ACER2: variants seen among roughly 807,000 people sequenced by gnomAD.
ACER2 encodes alkaline ceramidase 2.
ACER2 carries 26 observed loss-of-function variants against 34.7 expected under a neutral mutation model. The ratio of observed to expected loss-of-function variants is 0.75; its 90% CI spans 0.55 to 1.04. The LOEUF (loss-of-function observed/expected upper bound fraction) is 1.04. ACER2 is among the 50% of genes least tolerant of loss of function. The pLI, the probability that ACER2 is intolerant of heterozygous loss-of-function variation, is 0.00. For synonymous variants in ACER2, 138 were observed against 132.1 expected, an observed-to-expected ratio of 1.04 and a Z score of -0.31; for missense variants, 352 against 340.8, an observed-to-expected ratio of 1.03 and a Z score of -0.26.
At chr9:19,444,439 C>G (rs1336087544) in intron 4 of ACER2, among the ~76,000 whole-genome samples, 2 of 151,944 alleles carry the variant, frequency 1.3e-5, no homozygotes, top group Non-Finnish European at 2.9e-5. Flanking sequence ...GTCTCGATCT[C>G]CTGACCTCTG....
intron 5 of ACER2, among the ~76,000 whole-genome samples, chr9:19,449,295 A>G (rs573886251): frequency 4.6e-5 from 7 of 152,230 alleles, no homozygotes; most frequent in South Asian, 2.1e-4. Context: ...CCCAGATTCC[A>G]TAACTATCAA....
intron 3 of ACER2, among the ~76,000 whole-genome samples, chr9:19,427,642 TTTCTCTTCTC>T (rs139788386): frequency 0.14 from 18,867 of 136,512 alleles, 1,480 homozygotes; most frequent in South Asian, 0.28. Flanking sequence ...CCTCCTTTCT[TTTCTCTTCTC>T]TTCTCTTCTC....
intron 3 of ACER2, among the ~76,000 whole-genome samples, chr9:19,433,104 C>T (rs1335966370): frequency 6.8e-6 from 1 of 147,348 alleles, no homozygotes; most frequent in Non-Finnish European, 1.5e-5. Context: ...TTTCCTAAGG[C>T]TAAGTTTCTC....
intron 4 of ACER2, among the ~76,000 whole-genome samples, chr9:19,442,377 G>A (rs1831183286): frequency 6.6e-6 from 1 of 152,174 alleles, no homozygotes; most frequent in Non-Finnish European, 1.5e-5. Context: ...CTGAGAAATG[G>A]GAGTGAAACC....
At chr9:19,439,344 C>CTTTTTTTTTTTTTTTTTTTTTTTTTTTTT (rs55690063) in intron 4 of ACER2, among the ~76,000 whole-genome samples, 2 of 138,758 alleles carry the variant, frequency 1.4e-5, no homozygotes, top group African/African-American at 2.7e-5. Context: ...AAGGGGCTTG[C>CTTTTTTTTTTTTTTTTTTTTTTTTTTTTT]TTTTTTTTTT....
chr9:19,418,643 A>G (rs1438657263), intron 1 of ACER2, among the ~76,000 whole-genome samples: 1 of 152,182 alleles, frequency 6.6e-6, no homozygotes, highest in Admixed American at 6.5e-5. Flanking sequence ...TGGGAGTGGA[A>G]CGAGAACACA....
At chr9:19,423,107 T>C (rs1830456864) in intron 1 of ACER2, among the ~76,000 whole-genome samples, 1 of 150,470 alleles carries the variant, frequency 6.6e-6, no homozygotes, top group Non-Finnish European at 1.5e-5. Flanking sequence ...TGGGAGGCTG[T>C]GGTGGGAGGA....
rs146152102 is a variant in ACER2, at chr9:19,448,257, A to C, written c.641+1839A>C. On this transcript the variant is annotated intron_variant, in intron 5 of 5. Coordinates refer to ENST00000340967, the MANE Select transcript of ACER2 (RefSeq NM_001010887.3). ...GAAACTCCTGGGCTCGAGCAGGTCC[A>C]CCTGCCTTGGGCTCCCAAAGTGCTG... 6.2e-3 allele frequency among the ~76,000 whole-genome samples: 941 copies of C among 152,224 alleles called. 11 individuals carry two copies. Among genetic ancestry groups the C allele is most frequent in the African/African-American group, 0.022 (905 of 41,548 alleles).
chr9:19,423,761 C>T (rs763959854), intron 1 of ACER2, 101 bp from the exon 2 acceptor site: 1 of 861,330 alleles, frequency 1.2e-6, no homozygotes, highest in Non-Finnish European at 2.0e-6. Context: ...TGTGTGACCA[C>T]ATTTATCCCA....
rs551546294 is a variant in ACER2 at position 19,450,776 on chromosome 9, C to T, written c.*140C>T. 34 of 749,980 alleles carry T rather than the reference C, an allele frequency of 4.5e-5. No individual in the cohort carries two copies. The highest frequency in any genetic ancestry group is 4.1e-4 in the East Asian group (15 of 36,302). 46.5% of individuals were successfully genotyped at this position (749,980 alleles called of 1,614,324 possible). ...ATCTATTTGCTGGGGCTCTTAATTTCTTTAGTGTTCTTTGTATGTAGGGAT... is the reference window on the plus strand; with the variant it reads ...ATCTATTTGCTGGGGCTCTTAATTTTTTTAGTGTTCTTTGTATGTAGGGAT... On this transcript the variant is annotated 3_prime_UTR_variant, in exon 6 of 6. Transcript: ENST00000340967.
At chr9:19,443,766 C>T (rs188712232) in intron 4 of ACER2, among the ~76,000 whole-genome samples, 2 of 152,252 alleles carry the variant, frequency 1.3e-5, no homozygotes, top group African/African-American at 4.8e-5. Context: ...AAGTGATTCT[C>T]CTGCCTCAGC....
At chr9:19,434,498 A>G (rs980926467) in intron 3 of ACER2, among the ~76,000 whole-genome samples, 3 of 152,254 alleles carry the variant, frequency 2.0e-5, no homozygotes, top group Non-Finnish European at 4.4e-5. Flanking sequence ...GCACTGAGTG[A>G]ACCAGACTCC....
intron 1 of ACER2, among the ~76,000 whole-genome samples, chr9:19,422,379 T>C (rs1381548791): frequency 2.0e-5 from 3 of 152,050 alleles, no homozygotes; most frequent in African/African-American, 7.2e-5. Flanking sequence ...TTTGAATACA[T>C]TGCATTAAAT....
rs1341433724 is a variant in ACER2 at position 19,435,072 on chromosome 9, C to T, written c.491C>T (p.Ala164Val). The T allele has an allele frequency of 6.2e-7, 1 of 1,614,136 alleles. No homozygotes were observed. The highest frequency in any genetic ancestry group is 1.1e-5 in the South Asian group (1 of 91,076). The change falls in exon 4 of 6, where the codon GCA (alanine) becomes GTA (valine). Residue 164 changes from alanine (A) to valine (V), a missense_variant. Ala to Val is a moderately conservative substitution (Grantham distance 64). Coordinates refer to ENST00000340967, the MANE Select transcript of ACER2 (RefSeq NM_001010887.3). ...GTTCCTTGCACTGCACTGCTCATCG[C>T]AGAGCTAAAGAGGTAGGTGCCATCA... ...LGVPCTALLIAELKRCDNMRV... is the reference protein window; with the variant it reads ...LGVPCTALLIVELKRCDNMRV...
intron 5 of ACER2, among the ~76,000 whole-genome samples, chr9:19,447,508 T>C: frequency 6.6e-6 from 1 of 152,218 alleles, no homozygotes; most frequent in East Asian, 1.9e-4. Context: ...ATTTTTTAGA[T>C]TCAACTCAAC....
chr9:19,435,108 C>T, intron 4 of ACER2, 24 bp downstream of exon 4: 2 of 1,612,976 alleles, frequency 1.2e-6, no homozygotes, highest in Non-Finnish European at 1.7e-6. Flanking sequence ...TTCCTGCCTA[C>T]CCTTAGCTGT....
chr9:19,434,837 T>G, intron 3 of ACER2, 110 bp from the exon 4 acceptor site: 1 of 1,424,550 alleles, frequency 7.0e-7, no homozygotes, highest in Non-Finnish European at 9.6e-7. Context: ...TAGCGCAGAA[T>G]TTCTTTTCAG....
chr9:19,438,464 G>A (rs576787436), intron 4 of ACER2, among the ~76,000 whole-genome samples: 1 of 152,318 alleles, frequency 6.6e-6, no homozygotes, highest in East Asian at 1.9e-4. Context: ...CGTGTTTGTG[G>A]ACCTGGAGGG....
chr9:19,435,132 A>C, intron 4 of ACER2, 48 bp downstream of exon 4: 1 of 1,605,102 alleles, frequency 6.2e-7, no homozygotes, highest in Non-Finnish European at 8.5e-7. Context: ...CGTGCTGGGA[A>C]CACACCAGTT....
Sources: gnomAD v4.1 joint callset for allele counts (sites outside exome capture counted in the v4.1 genomes callset) on GRCh38, gnomAD v4.1.1 for gene constraint, MANE v1.5 for transcripts, NCBI Gene and HGNC (gene_info 2026-07-23, HGNC 2026-07-21) for gene names.